FKBP11: variants seen among roughly 807,000 people sequenced by gnomAD.
The protein encoded by FKBP11 is FKBP prolyl isomerase 11.
A neutral mutation model predicts 24.7 loss-of-function variants in FKBP11; 21 were observed. The observed-to-expected ratio is 0.85, with a 90% CI of 0.60 to 1.23. The LOEUF (loss-of-function observed/expected upper bound fraction) is 1.23, where lower values mean the gene tolerates loss of function less well. Ranked by LOEUF, FKBP11 falls within the 50% of genes most tolerant of loss-of-function variation. The probability of loss-of-function intolerance (pLI) is 0.00; values close to 1 mark genes in which losing one functional copy is unlikely to be tolerated. For synonymous variants in FKBP11, 106 were observed against 100.6 expected, an observed-to-expected ratio of 1.05 and a Z score of -0.32; for missense variants, 245 against 248.7, an observed-to-expected ratio of 0.99 and a Z score of 0.10.
the FKBP11 span, chr12:48,938,823 G>A: frequency 8.6e-5 from 109 of 1,269,000 alleles, no homozygotes; most frequent in Non-Finnish European, 1.1e-4. Flanking sequence ...CTCTTGCTGG[G>A]CATGTGGACA....
At chr12:48,929,610 C>T (rs1358826797), upstream of FKBP11, among the ~76,000 whole-genome samples, 2 of 152,224 alleles carry the variant, frequency 1.3e-5, no homozygotes, top group African/African-American at 4.8e-5. Context: ...CAACTGAAAG[C>T]TTGTCATCCA....
At chr12:48,930,613 C>T (rs975577188), upstream of FKBP11, among the ~76,000 whole-genome samples, 12 of 152,078 alleles carry the variant, frequency 7.9e-5, no homozygotes, top group African/African-American at 2.4e-4. Context: ...CTAAAGGAGC[C>T]AACGTGGGGA....
rs1304805856 is a variant in FKBP11 at position 48,925,445 on chromosome 12, G to A, written c.-17C>T. ...CAGGGTCATGACTGGGCGCGGGGCA[G>A]GGAGCCGGGGCACCAGGACAGGCTG... is the stretch of plus-strand genomic sequence containing the variant. On this transcript the variant is annotated 5_prime_UTR_variant, in exon 1 of 6. Transcript: ENST00000550765. The A allele has an allele frequency of 6.4e-7, 1 of 1,550,422 alleles. No homozygotes were observed. The highest frequency in any genetic ancestry group is 1.2e-5 in the South Asian group (1 of 84,420).
the FKBP11 span, chr12:48,938,914 T>C: frequency 5.0e-6 from 8 of 1,596,290 alleles, no homozygotes; most frequent in Non-Finnish European, 6.8e-6. Flanking sequence ...ATGTCAGGGG[T>C]GGGTGGGGTG....
Position 48,923,388 on chromosome 12 carries a change from G to C in FKBP11, c.388+394C>G. Reference sequence around the variant, plus strand: ...TCACTTGACTGTGATTATTTTTACTGTCTCTTCCCTGATGGAGGCTGAAAG... The same window carrying C: ...TCACTTGACTGTGATTATTTTTACTCTCTCTTCCCTGATGGAGGCTGAAAG... On this transcript the variant is annotated intron_variant, in intron 5 of 5. Coordinates refer to ENST00000550765, the MANE Select transcript of FKBP11 (RefSeq NM_016594.3). 5 of 1,464,364 alleles carry C rather than the reference G, an allele frequency of 3.4e-6. No homozygotes were observed. The South Asian group carries it at 7.0e-5, about 20-fold the overall frequency. 90.7% of individuals were successfully genotyped at this position (1,464,364 alleles called of 1,614,324 possible).
chr12:48,925,624 T>C, upstream of FKBP11: 1 of 660,652 alleles, frequency 1.5e-6, no homozygotes, highest in Non-Finnish European at 2.5e-6. Flanking sequence ...GCGCCCTCTG[T>C]ACCCTCCAAG....
At chr12:48,922,283 A>G in intron 5 of FKBP11, 82 bp from the exon 6 acceptor site, 1 of 1,298,484 alleles carries the variant, frequency 7.7e-7, no homozygotes, top group Non-Finnish European at 1.1e-6. Context: ...TAGGGAGCGT[A>G]GGCCACAGCA....
rs1939941884 is a variant in FKBP11 at position 48,925,371 on chromosome 12, C to T, written c.58G>A (p.Ala20Thr). Residue 20 changes from alanine (A) to threonine (T), a missense_variant, in exon 1 of 6, where the codon GCG becomes ACG. Coordinates refer to ENST00000550765, the MANE Select transcript of FKBP11 (RefSeq NM_016594.3). ...CCAGCCTCAGCCCGGCACACCGCCGCACTGAGCAGCAGCAGCAGCAGCAGA... is the reference window on the plus strand; with the variant it reads ...CCAGCCTCAGCCCGGCACACCGCCGTACTGAGCAGCAGCAGCAGCAGCAGA... Reference protein sequence around the residue: ...LHLLLLLLLSAAVCRAEAGLE... With the variant: ...LHLLLLLLLSTAVCRAEAGLE... The T allele has an allele frequency of 6.2e-7, 1 of 1,603,648 alleles. No individual in the cohort carries two copies. The highest frequency in any genetic ancestry group is 1.1e-5 in the South Asian group (1 of 88,984).
chr12:48,928,818 C>CTTTTTTTTTTTTTTTTTTT (rs1196484675), upstream of FKBP11, among the ~76,000 whole-genome samples: 1 of 94,234 alleles, frequency 1.1e-5, no homozygotes, highest in African/African-American at 3.9e-5. Context: ...AAACTTCTAT[C>CTTTTTTTTTTTTTTTTTTT]TTTTTTTTTT....
chr12:48,922,239 G>T, intron 5 of FKBP11, 38 bp from the exon 6 acceptor site: 1 of 1,549,544 alleles, frequency 6.5e-7, no homozygotes. Flanking sequence ...TAGACTCTCT[G>T]CATTTTATCC....
upstream of FKBP11, among the ~76,000 whole-genome samples, chr12:48,928,924 G>A (rs1385513943): frequency 4.2e-5 from 6 of 143,728 alleles, no homozygotes; most frequent in East Asian, 4.3e-4. Context: ...CCGGGTTCAC[G>A]CCATTCTCCT....
chr12:48,923,345 T>TA, intron 5 of FKBP11: 1 of 1,429,126 alleles, frequency 7.0e-7, no homozygotes, highest in East Asian at 2.5e-5. Flanking sequence ...TAACAGTTGC[T>TA]TTTTGTTTTG....
chr12:48,931,431 C>T (rs1256531511), upstream of FKBP11: 1 of 1,536,132 alleles, frequency 6.5e-7, no homozygotes, highest in South Asian at 1.2e-5. Flanking sequence ...AGCCCATCTG[C>T]ACCCTGGAGG....
upstream of FKBP11, among the ~76,000 whole-genome samples, chr12:48,928,242 G>T (rs748482574): frequency 6.6e-6 from 1 of 150,832 alleles, no homozygotes; most frequent in Admixed American, 6.6e-5. Flanking sequence ...ATGGGGTTTC[G>T]CCATATTGCC....
chr12:48,937,016 AACACACCCACACCCATATACACACAC>A, the FKBP11 span: 4 of 152,166 alleles, frequency 2.6e-5, no homozygotes, highest in Non-Finnish European at 5.9e-5. Context: ...ACCACACACA[AACACACCCACACCCATATACACACAC>A]ACTCACACAC....
At chr12:48,930,713 A>G (rs1311037637), upstream of FKBP11, among the ~76,000 whole-genome samples, 1 of 152,108 alleles carries the variant, frequency 6.6e-6, no homozygotes, top group Non-Finnish European at 1.5e-5. Flanking sequence ...TGGGATTTTT[A>G]AACAAGTGAG....
At chr12:48,923,450 T>C in intron 5 of FKBP11, 1 of 1,546,820 alleles carries the variant, frequency 6.5e-7, no homozygotes, top group Non-Finnish European at 8.7e-7. Flanking sequence ...TGACACAGCG[T>C]AGAGTTGTAG....
At chr12:48,924,527 G>C in intron 3 of FKBP11, 34 bp downstream of exon 3, 1 of 1,583,542 alleles carries the variant, frequency 6.3e-7, no homozygotes, top group Non-Finnish European at 8.7e-7. Flanking sequence ...GCTTAGGTTG[G>C]GAAGAGGTGG....
chr12:48,931,236 C>T (rs561134931), upstream of FKBP11, among the ~76,000 whole-genome samples: 1 of 147,408 alleles, frequency 6.8e-6, no homozygotes, highest in African/African-American at 2.5e-5. Flanking sequence ...AAGGATGACA[C>T]AGCATACTGC....
Sources: gnomAD v4.1 joint callset for allele counts (sites outside exome capture counted in the v4.1 genomes callset) on GRCh38, gnomAD v4.1.1 for gene constraint, MANE v1.5 for transcripts, NCBI Gene and HGNC (gene_info 2026-07-23, HGNC 2026-07-21) for gene names.